RP1: variants seen among roughly 807,000 people sequenced by gnomAD.
RP1 encodes oxygen-regulated protein 1.
A neutral mutation model predicts 14.8 loss-of-function variants in RP1; 16 were observed. The ratio of observed to expected loss-of-function variants is 1.08; its 90% CI spans 0.73 to 1.65. The LOEUF is 1.65. Among genes scored for constraint, RP1 ranks in the 40% most tolerant of loss-of-function variants. The pLI, the probability that RP1 is intolerant of heterozygous loss-of-function variation, is 0.00. For synonymous variants in RP1, 876 were observed against 883.6 expected, an observed-to-expected ratio of 0.99 and a Z score of 0.15; for missense variants, 2,631 against 2,535.0, an observed-to-expected ratio of 1.04 and a Z score of -0.81.
chr8:54,758,484 G>T (rs1434160032), intron 21 of RP1, among the ~76,000 whole-genome samples: 1 of 151,530 alleles, frequency 6.6e-6, no homozygotes, highest in Non-Finnish European at 1.5e-5. Context: ...GAGGGAAGGA[G>T]GGAGGAAGGA....
rs547466530 is a variant in RP1, at chr8:54,752,471, CTAAT to C, written c.2809-2330_2809-2327del. Among the ~76,000 whole-genome samples, 21 of 152,292 alleles carry C rather than the reference CTAAT, an allele frequency of 1.4e-4. No homozygotes were observed. The South Asian group carries it at 4.1e-3, about 30-fold the overall frequency. On this transcript the variant is annotated intron_variant, in intron 19 of 22. Transcript: ENST00000636932. Reference sequence around the variant, plus strand: ...GCAACTCGGTGAGTGCTTTCATCCCCTAATTGTTTATTTTTGTACATTTGTATGA... The same window carrying C: ...GCAACTCGGTGAGTGCTTTCATCCCCTGTTTATTTTTGTACATTTGTATGA...
chr8:54,734,426 C>A lies in RP1; in HGVS notation c.2522-119C>A, dbSNP rs977992251. 2.9e-5 allele frequency: 25 copies of A among 847,466 alleles called. No homozygotes were observed. The Middle Eastern group carries it at 1.8e-3, about 62-fold the overall frequency. 52.5% of individuals were successfully genotyped at this position (847,466 alleles called of 1,614,324 possible). On this transcript the variant is annotated intron_variant, in intron 17 of 22. Coordinates refer to the RP1 transcript ENST00000636932. ...CCCTGGAGTCTTCACAGTGCAGTGC[C>A]TCCTGCTTGCTTCACCCTACCCTGC...
At chr8:54,846,133 T>G (rs1312642437) in intron 25 of RP1, among the ~76,000 whole-genome samples, 1 of 152,198 alleles carries the variant, frequency 6.6e-6, no homozygotes, top group Non-Finnish European at 1.5e-5. Flanking sequence ...CGAAGAAGAA[T>G]ATGAGATGAC....
chr8:54,590,898 C>A (rs764214293), intron 1 of RP1, among the ~76,000 whole-genome samples: 35 of 152,244 alleles, frequency 2.3e-4, no homozygotes, highest in Non-Finnish European at 3.7e-4. Context: ...CCACTCTCCT[C>A]TTCTCAAGCC....
intron 24 of RP1, among the ~76,000 whole-genome samples, chr8:54,828,882 C>CTTTTTTTTT (rs201534661): frequency 1.4e-3 from 114 of 83,944 alleles, no homozygotes; most frequent in Admixed American, 2.2e-3. Context: ...TCTTCTTCTT[C>CTTTTTTTTT]TTTTTTTTTT....
intron 15 of RP1, among the ~76,000 whole-genome samples, chr8:54,715,410 GAAACT>G (rs1202551616): frequency 6.6e-6 from 1 of 152,196 alleles, no homozygotes; most frequent in Non-Finnish European, 1.5e-5. Flanking sequence ...GGAAATAAAG[GAAACT>G]AAAGGTTTAT....
rs148346976 is a variant in RP1, at chr8:54,621,457, C to T, written c.491C>T (p.Pro164Leu). 3 of 1,613,894 alleles carry T rather than the reference C, an allele frequency of 1.9e-6. No individual in the cohort carries two copies. Among genetic ancestry groups the T allele is most frequent in the South Asian group, 1.1e-5 (1 of 91,082 alleles). ...RSLVVFRNGD[P>L]KTRRAVLLSR... ...CTAGTGGTCTTCAGGAATGGCGACC[C>T]GAAGACGAGGCGTGCGGTTCTTCTG... The change falls in exon 2 of 4, where the codon CCG becomes CTG. Residue 164 changes from proline to leucine, a missense_variant. By Grantham distance (98) the Pro-to-Leu change is moderately conservative (BLOSUM62 -3). Transcript: ENST00000220676.
At chr8:54,560,657 G>T (rs1157527511) in intron 1 of RP1, 1 of 152,052 alleles carries the variant, frequency 6.6e-6, no homozygotes, top group Non-Finnish European at 1.5e-5. Flanking sequence ...TTCATCCCGT[G>T]CACCTTCTCT....
chr8:54,731,526 A>G (rs567492127), intron 17 of RP1, among the ~76,000 whole-genome samples: 3 of 152,300 alleles, frequency 2.0e-5, no homozygotes, highest in Admixed American at 2.0e-4. Context: ...AGATCATGGT[A>G]TTACATGGTG....
At chr8:54,845,488 G>A (rs1006338303) in intron 25 of RP1, among the ~76,000 whole-genome samples, 3 of 152,160 alleles carry the variant, frequency 2.0e-5, no homozygotes, top group Non-Finnish European at 2.9e-5. Context: ...CAAGACGCCC[G>A]GTGCACGGAT....
intron 12 of RP1, among the ~76,000 whole-genome samples, chr8:54,695,181 G>C (rs1445404099): frequency 6.6e-6 from 1 of 152,126 alleles, no homozygotes; most frequent in East Asian, 1.9e-4. Context: ...TGTGGTCTGA[G>C]AGACAGTTTG....
At chr8:54,675,710 C>T (rs576522316) in intron 8 of RP1, among the ~76,000 whole-genome samples, 1 of 152,086 alleles carries the variant, frequency 6.6e-6, no homozygotes, top group South Asian at 2.1e-4. Flanking sequence ...TGGGCCAAAG[C>T]AAAAATCAGA....
rs77367026 is a variant in RP1 at position 54,652,350 on chromosome 8, T to C, written c.952-430T>C. 6.8e-3 allele frequency among the ~76,000 whole-genome samples: 1,030 copies of C among 152,302 alleles called. 18 individuals carry two copies. Among genetic ancestry groups the C allele is most frequent in the African/African-American group, 0.023 (974 of 41,574 alleles). ...TGTTTCGACAAGATACTCTGTATGA[T>C]TTGTCTTTTTAAATTTTCAAGCCTT... On this transcript the variant is annotated intron_variant, in intron 4 of 22. Coordinates refer to the RP1 transcript ENST00000636932.
chr8:54,708,254 G>T (rs1808197933), intron 15 of RP1, among the ~76,000 whole-genome samples: 1 of 152,174 alleles, frequency 6.6e-6, no homozygotes, highest in Non-Finnish European at 1.5e-5. Context: ...GTCAACATTG[G>T]AAATGTTTAT....
intron 24 of RP1, among the ~76,000 whole-genome samples, chr8:54,801,464 T>C (rs567535105): frequency 6.6e-6 from 1 of 152,270 alleles, no homozygotes; most frequent in African/African-American, 2.4e-5. Context: ...CTTTCTTAGT[T>C]GCAATGTATT....
At chr8:54,849,631 A>T (rs1426847498) in intron 25 of RP1, among the ~76,000 whole-genome samples, 3 of 152,194 alleles carry the variant, frequency 2.0e-5, no homozygotes, top group African/African-American at 7.2e-5. Context: ...CACTTAGCAA[A>T]AATTTGGGCC....
At chr8:54,663,966 G>C in intron 7 of RP1, 2 of 1,001,064 alleles carry the variant, frequency 2.0e-6, no homozygotes, top group Non-Finnish European at 2.7e-6. Flanking sequence ...GTAATGTTAA[G>C]TATATTCACA....
chr8:54,828,882 CTTTTTTTTT>C (rs201534661), intron 24 of RP1, among the ~76,000 whole-genome samples: 11,568 of 83,460 alleles, frequency 0.14, 389 homozygotes, highest in South Asian at 0.22. Context: ...TCTTCTTCTT[CTTTTTTTTT>C]TTTTTTTTTT....
chr8:54,726,808 T>C (rs1808666519), intron 17 of RP1, among the ~76,000 whole-genome samples: 1 of 145,108 alleles, frequency 6.9e-6, no homozygotes, highest in South Asian at 2.1e-4. Flanking sequence ...AAATTCTCAC[T>C]AAAGTCTAAG....
Sources: allele counts gnomAD v4.1 joint callset (sites outside exome capture counted in the v4.1 genomes callset), GRCh38; gene constraint gnomAD v4.1.1; transcripts MANE v1.5; gene names NCBI Gene and HGNC (gene_info 2026-07-23, HGNC 2026-07-21).